MAN2A1: variants seen among roughly 807,000 people sequenced by gnomAD.
MAN2A1 encodes the protein alpha-mannosidase 2.
MAN2A1 carries 76 observed loss-of-function variants against 142.6 expected under a neutral mutation model. That is an observed-to-expected ratio of 0.53 (90% CI 0.44 to 0.65). MAN2A1 has a LOEUF of 0.65. Among genes scored for constraint, MAN2A1 ranks in the 30% least tolerant of loss-of-function variants. The pLI, the probability that MAN2A1 is intolerant of heterozygous loss-of-function variation, is 0.00. For synonymous variants in MAN2A1, 559 were observed against 473.2 expected (o/e 1.18, Z -2.35); for missense variants, 1,311 against 1,365.1 (o/e 0.96, Z 0.62).
chr5:109,738,000 G>A (rs1011281254), intron 4 of MAN2A1, among the ~76,000 whole-genome samples: 8 of 152,140 alleles, frequency 5.3e-5, no homozygotes, highest in Non-Finnish European at 1.0e-4. Flanking sequence ...AGGTGTGTGC[G>A]TGTGCTTTGT....
intron 16 of MAN2A1, among the ~76,000 whole-genome samples, chr5:109,835,336 G>C (rs1420058290): frequency 2.0e-5 from 3 of 152,148 alleles, no homozygotes; most frequent in African/African-American, 7.2e-5. Context: ...TCTCTGCTCA[G>C]ACACAGATTG....
At chr5:109,729,948 T>A (rs1180519436) in intron 4 of MAN2A1, among the ~76,000 whole-genome samples, 1 of 152,108 alleles carries the variant, frequency 6.6e-6, no homozygotes, top group Non-Finnish European at 1.5e-5. Context: ...GCCAATATAG[T>A]GCCACTGCAC....
chr5:109,826,330 A>T (rs1335340942), intron 16 of MAN2A1, among the ~76,000 whole-genome samples: 1 of 152,198 alleles, frequency 6.6e-6, no homozygotes, highest in East Asian at 1.9e-4. Flanking sequence ...AGAGCGCCTC[A>T]CTGATGAGTT....
In MAN2A1 at chr5:109,785,846, C is replaced by T. The variant is rs189206307; in HGVS notation, c.1760+920C>T. 1.0e-3 allele frequency among the ~76,000 whole-genome samples: 156 copies of T among 152,134 alleles called. 1 individual carries two copies. The highest frequency in any genetic ancestry group is 3.7e-3 in the African/African-American group (152 of 41,532). The stretch of plus-strand genomic sequence containing the variant: ...ACATTTTAAAGTCATTTAAAATATA[C>T]TGTGATTTTCTTAAAGAATAGATTT... On this transcript the variant is annotated intron_variant, in intron 10 of 21. Coordinates refer to ENST00000261483, the MANE Select transcript of MAN2A1 (RefSeq NM_002372.4).
rs199933637 is a variant in MAN2A1, at chr5:109,784,729, C to T, written c.1578-15C>T. The T allele has an allele frequency of 2.1e-4, 320 of 1,542,374 alleles. 3 individuals carry two copies. The Middle Eastern group carries it at 0.011, about 55-fold the overall frequency. ...TGTTTGTTTTAAAATAAAAATATGACTTTTATGCAATTAGGGCTGCTGAAA... is the reference window on the plus strand; with the variant it reads ...TGTTTGTTTTAAAATAAAAATATGATTTTTATGCAATTAGGGCTGCTGAAA... On this transcript the variant is annotated splice_polypyrimidine_tract_variant and intron_variant, in intron 9 of 21. Coordinates refer to ENST00000261483, the MANE Select transcript of MAN2A1 (RefSeq NM_002372.4).
At chr5:109,858,764 G>C (rs1561546114) in intron 20 of MAN2A1, among the ~76,000 whole-genome samples, 1 of 152,362 alleles carries the variant, frequency 6.6e-6, no homozygotes, top group East Asian at 1.9e-4. Flanking sequence ...CACCATGATA[G>C]AGAGTGCCCT....
At chr5:109,731,813 A>G (rs1751921264) in intron 4 of MAN2A1, among the ~76,000 whole-genome samples, 1 of 149,354 alleles carries the variant, frequency 6.7e-6, no homozygotes, top group African/African-American at 2.5e-5. Flanking sequence ...ATAGTGCCGC[A>G]ATAAACATAC....
chr5:109,814,041 G>T (rs924778130), intron 12 of MAN2A1, among the ~76,000 whole-genome samples: 2 of 152,136 alleles, frequency 1.3e-5, no homozygotes, highest in African/African-American at 2.4e-5. Context: ...TGAATTATGG[G>T]GGCCCAATGT....
At chr5:109,778,590 C>T (rs1753360160) in intron 8 of MAN2A1, among the ~76,000 whole-genome samples, 1 of 151,886 alleles carries the variant, frequency 6.6e-6, no homozygotes, top group Admixed American at 6.6e-5. Context: ...TAGGACATTG[C>T]TTTGTGTTAG....
At position 109,745,409 on chromosome 5, in the gene MAN2A1, C is replaced by T. The variant is rs181182312; in HGVS notation, c.708-9920C>T. ...TAACTTGGTTAAAAACTCTGGCTCC[C>T]ATAACCCTTTGTGCATATATATCAA... is the stretch of plus-strand genomic sequence containing the variant. On this transcript the variant is annotated intron_variant, in intron 4 of 21. Transcript: ENST00000261483. Among the ~76,000 whole-genome samples, 74 of 152,146 alleles carry T rather than the reference C, an allele frequency of 4.9e-4. 1 individual carries two copies. The highest frequency in any genetic ancestry group is 3.4e-3 in the Middle Eastern group (1 of 292).
chr5:109,863,090 C>T (rs1280275054), intron 20 of MAN2A1: 2 of 152,106 alleles, frequency 1.3e-5, no homozygotes, highest in Non-Finnish European at 2.9e-5. Context: ...TGCATGCTAT[C>T]AAGTGATATG....
chr5:109,823,954 TGAC>T, intron 16 of MAN2A1, 117 bp downstream of exon 16: 1 of 522,958 alleles, frequency 1.9e-6, no homozygotes, highest in Admixed American at 3.6e-5. Flanking sequence ...TTTCTAAACT[TGAC>T]ATTTTTAATA....
intron 8 of MAN2A1, 105 bp downstream of exon 8, chr5:109,775,070 T>G: frequency 1.4e-6 from 1 of 699,686 alleles, no homozygotes; most frequent in Non-Finnish European, 2.3e-6. Context: ...TCACAGTGCT[T>G]CTTAGAATAT....
At chr5:109,719,391 A>G (rs1476768637) in intron 3 of MAN2A1, among the ~76,000 whole-genome samples, 1 of 152,254 alleles carries the variant, frequency 6.6e-6, no homozygotes, top group Non-Finnish European at 1.5e-5. Context: ...TAAAATATTG[A>G]CAAATAAATT....
chr5:109,791,599 A>C (rs914595397), intron 12 of MAN2A1, among the ~76,000 whole-genome samples: 7 of 151,792 alleles, frequency 4.6e-5, no homozygotes, highest in Non-Finnish European at 7.4e-5. Flanking sequence ...GTAACAAATT[A>C]TCTCTCTAAA....
chr5:109,846,268 C>T (rs542644375), intron 18 of MAN2A1, among the ~76,000 whole-genome samples: 14 of 152,244 alleles, frequency 9.2e-5, no homozygotes, highest in African/African-American at 3.4e-4. Flanking sequence ...ATTTGCTTCT[C>T]CTAATAGTAT....
At chr5:109,695,655 G>A (rs1189336508) in intron 1 of MAN2A1, among the ~76,000 whole-genome samples, 1 of 152,100 alleles carries the variant, frequency 6.6e-6, no homozygotes, top group African/African-American at 2.4e-5. Context: ...GATTGTAAAG[G>A]CCTTATTGCA....
chr5:109,788,974 A>C lies in MAN2A1; in HGVS notation c.1801A>C (p.Asn601His), dbSNP rs1339758312. The change falls in exon 11 of 22, where the codon AAT becomes CAT. Residue 601 changes from asparagine to histidine, a missense_variant. Physicochemically the swap from Asn to His is moderately conservative, Grantham distance 68 (BLOSUM62 1). Around this residue, in one of 3 missense-constraint regions of MAN2A1, gnomAD observed 890 missense variants for 920.5 expected, o/e 0.97. Coordinates refer to ENST00000261483, the MANE Select transcript of MAN2A1 (RefSeq NM_002372.4). Reference sequence around the variant, plus strand: ...AATGGTTTTGGAGAAGATAATTGGAAATTCTGCATTTCTTCTTATTTTGAA... The same window carrying C: ...AATGGTTTTGGAGAAGATAATTGGACATTCTGCATTTCTTCTTATTTTGAA... Reference protein sequence around the residue: ...SLMVLEKIIGNSAFLLILKDK... With the variant: ...SLMVLEKIIGHSAFLLILKDK... 1 of 1,604,930 alleles carries C rather than the reference A, an allele frequency of 6.2e-7. No individual in the cohort carries two copies.
At position 109,815,507 on chromosome 5, in the gene MAN2A1, A is replaced by G. The variant is rs183862373; in HGVS notation, c.1944-1766A>G. On this transcript the variant is annotated intron_variant, in intron 12 of 21. Transcript: ENST00000261483. ...GTTAGGTCCTGTTATCCTGATGCAT[A>G]CTGTAAGCCTAATAGGAATTAGAGA... 5.3e-5 allele frequency among the ~76,000 whole-genome samples: 8 copies of G among 152,274 alleles called. No homozygotes were observed. The East Asian group carries it at 1.5e-3, about 29-fold the overall frequency.
Sources: gnomAD v4.1 joint callset for allele counts (sites outside exome capture counted in the v4.1 genomes callset) on GRCh38, gnomAD v4.1.1 for gene constraint, gnomAD v4.1.1 regional missense constraint, MANE v1.5 for transcripts, NCBI Gene and HGNC (gene_info 2026-07-23, HGNC 2026-07-21) for gene names.